The following COL8A2 variants were observed in gnomAD, a reference collection of about 807,000 sequenced individuals.
COL8A2 encodes the protein collagen alpha-2(VIII) chain.
Under a neutral mutation model 24.0 loss-of-function variants are expected in COL8A2, and 16 were observed. That is an observed-to-expected ratio of 0.67 (90% confidence interval 0.45 to 1.01). The LOEUF (loss-of-function observed/expected upper bound fraction) is 1.01, where lower values mean the gene tolerates loss of function less well. COL8A2 is among the 50% of genes least tolerant of loss of function. COL8A2 has a pLI of 0.00. For synonymous variants in COL8A2, 466 were observed against 424.5 expected, an observed-to-expected ratio of 1.10 and a Z score of -1.20; for missense variants, 818 against 942.4, an observed-to-expected ratio of 0.87 and a Z score of 1.73.
chr1:36,102,781 C>T (rs1485159001), intron 2 of COL8A2, among the ~76,000 whole-genome samples: 1 of 144,844 alleles, frequency 6.9e-6, no homozygotes, highest in African/African-American at 2.6e-5. Flanking sequence ...AAGAGATTCT[C>T]CTGCCTCAGC....
intron 1 of COL8A2, among the ~76,000 whole-genome samples, chr1:36,119,851 T>C (rs1277633995): frequency 1.3e-5 from 2 of 152,016 alleles, no homozygotes; most frequent in Non-Finnish European, 2.9e-5. Flanking sequence ...TCACCACAGG[T>C]TGTAAGGAGA....
At chr1:36,122,793 T>C (rs943580900) in intron 1 of COL8A2, among the ~76,000 whole-genome samples, 24 of 152,190 alleles carry the variant, frequency 1.6e-4, no homozygotes, top group Non-Finnish European at 2.9e-4. Flanking sequence ...TCCCAGATTA[T>C]ATCATTCGCA....
chr1:36,100,113 T>C lies in COL8A2; in HGVS notation c.130A>G (p.Ile44Val), dbSNP rs77354921. Residue 44 changes from isoleucine to valine, a missense_variant, in exon 3 of 4, where the codon ATC becomes GTC. Around this residue, in one of 3 missense-constraint regions of COL8A2, gnomAD observed 573 missense variants for 616.8 expected, o/e 0.93. Coordinates refer to ENST00000397799, the MANE Select transcript of COL8A2 (RefSeq NM_005202.4). Reference protein sequence around the residue: ...GAAGYAPVKYIQPMQKGPVGP... With the variant: ...GAAGYAPVKYVQPMQKGPVGP... ...ACAGGTCCTTTCTGCATGGGCTGGA[T>C]GTACTTCACTGGGGCATAGCCCGCC... 2.0e-4 allele frequency: 327 copies of C among 1,613,114 alleles called. No individual in the cohort carries two copies. Among genetic ancestry groups the C allele is most frequent in the Non-Finnish European group, 2.7e-4 (319 of 1,179,492 alleles).
Position 36,097,510 on chromosome 1 carries a change from A to G in COL8A2, c.*59T>C. On this transcript the variant is annotated 3_prime_UTR_variant, in exon 4 of 4. Transcript: ENST00000397799. ...TTTTCCAGGAGGTTCTTTGTAATTG[A>G]AAAGGTCGCTCTACCACTAAAGGGG... 2 of 1,349,184 alleles carry G rather than the reference A, an allele frequency of 1.5e-6. No individual in the cohort carries two copies. Among genetic ancestry groups the G allele is most frequent in the Non-Finnish European group, 2.0e-6 (2 of 976,512 alleles). 83.6% of individuals were successfully genotyped at this position (1,349,184 alleles called of 1,614,324 possible).
chr1:36,104,488 C>T, intron 2 of COL8A2, among the ~76,000 whole-genome samples: 1 of 148,668 alleles, frequency 6.7e-6, no homozygotes, highest in South Asian at 2.1e-4. Context: ...GAGACTCTGC[C>T]TCAAATAAAT....
rs779228340 is a variant in COL8A2, at chr1:36,115,521, T to C, written c.-17+187A>G. Among the ~76,000 whole-genome samples the C allele has an allele frequency of 2.6e-5, 4 of 151,944 alleles. No individual in the cohort carries two copies. The highest frequency in any genetic ancestry group is 4.4e-5 in the Non-Finnish European group (3 of 67,976). On this transcript the variant is annotated intron_variant, in intron 2 of 3. Coordinates refer to ENST00000397799, the MANE Select transcript of COL8A2 (RefSeq NM_005202.4). The surrounding 1 kb of genome is among the most constrained non-coding windows in gnomAD (Gnocchi z 5.7). The stretch of plus-strand genomic sequence containing the variant: ...CAAATGAGAAAAAGCTGCTTCCGAG[T>C]TGGGCCAGGGTTTTAAAGCCCGGGC...
At chr1:36,119,548 G>C (rs1334185435) in intron 1 of COL8A2, among the ~76,000 whole-genome samples, 1 of 152,224 alleles carries the variant, frequency 6.6e-6, no homozygotes, top group Non-Finnish European at 1.5e-5. Flanking sequence ...GCCGCTGCAG[G>C]AGGGGGCTCT....
chr1:36,117,850 C>G (rs199697137), intron 1 of COL8A2, among the ~76,000 whole-genome samples: 1 of 144,522 alleles, frequency 6.9e-6, no homozygotes, highest in Admixed American at 7.0e-5. Context: ...CATAGTGATA[C>G]CCCCATCTCT....
At chr1:36,107,641 G>A (rs1373594161) in intron 2 of COL8A2, among the ~76,000 whole-genome samples, 2 of 152,196 alleles carry the variant, frequency 1.3e-5, no homozygotes, top group Middle Eastern at 3.4e-3. Context: ...GGGTGTGTGC[G>A]GCCTATTCAA....
rs573857579 is a variant in COL8A2 at position 36,109,240 on chromosome 1, T to G, written c.-17+6468A>C. On this transcript the variant is annotated intron_variant, in intron 2 of 3. Coordinates refer to ENST00000397799, the MANE Select transcript of COL8A2 (RefSeq NM_005202.4). ...TGCTGTGGGATCCGGCTGCCCTGCT[T>G]GCTCACCCGCCCCGCGCTGCTCTCT... 7.2e-5 allele frequency among the ~76,000 whole-genome samples: 11 copies of G among 152,300 alleles called. No homozygotes were observed. The East Asian group carries it at 2.1e-3, about 29-fold the overall frequency.
chr1:36,119,145 G>A (rs189187586), intron 1 of COL8A2, among the ~76,000 whole-genome samples: 1 of 152,288 alleles, frequency 6.6e-6, no homozygotes, highest in Non-Finnish European at 1.5e-5. Flanking sequence ...AGTGAAAGGG[G>A]TGGAATCTGA....
intron 2 of COL8A2, among the ~76,000 whole-genome samples, chr1:36,104,150 T>C (rs1355315329): frequency 6.6e-6 from 1 of 151,288 alleles, no homozygotes; most frequent in Non-Finnish European, 1.5e-5. Context: ...GCCGAGATCA[T>C]GCCATTGTAC....
Position 36,119,520 on chromosome 1 carries a change from C to A in COL8A2, c.-61-3768G>T, listed in dbSNP as rs1161609431. ...CTGCCTGACCCCCAGGGGTTCCAAC[C>A]CCAATCCAGCCCCTGCTGCCGCTGC... On this transcript the variant is annotated intron_variant, in intron 1 of 3. Coordinates refer to ENST00000397799, the MANE Select transcript of COL8A2 (RefSeq NM_005202.4). 2.0e-5 allele frequency among the ~76,000 whole-genome samples: 3 copies of A among 152,206 alleles called. No homozygotes were observed. In the East Asian group the frequency reaches 5.8e-4, roughly 29 times the overall value.
At position 36,097,672 on chromosome 1, in the gene COL8A2, T is replaced by C. The variant is rs765117541; in HGVS notation, c.2009A>G (p.Asn670Ser). 1.9e-6 allele frequency: 3 copies of C among 1,613,628 alleles called. No individual in the cohort carries two copies. Among genetic ancestry groups the C allele is most frequent in the Admixed American group, 3.3e-5 (2 of 60,026 alleles). ...CGGCATCTGCACCCAGACCTGGTCG[T>C]TGGGCCGCAGCTGGAGCACGGCCCC... Reference protein sequence around the residue: ...SGGAVLQLRPNDQVWVQMPSD... With the variant: ...SGGAVLQLRPSDQVWVQMPSD... The change falls in exon 4 of 4, where the codon AAC becomes AGC. Residue 670 changes from asparagine to serine, a missense_variant. Physicochemically the swap from Asn to Ser is conservative, Grantham distance 46 (BLOSUM62 1). This residue lies in a region of COL8A2 where 235 missense variants were observed against 297.3 expected (regional missense o/e 0.79). Coordinates refer to ENST00000397799, the MANE Select transcript of COL8A2 (RefSeq NM_005202.4).
chr1:36,106,228 C>T (rs896315802), intron 2 of COL8A2, among the ~76,000 whole-genome samples: 1 of 151,128 alleles, frequency 6.6e-6, no homozygotes, highest in African/African-American at 2.4e-5. Flanking sequence ...GGCACCGCTG[C>T]ACTCCAGCTT....
At chr1:36,120,217 G>A (rs1570058930) in intron 1 of COL8A2, among the ~76,000 whole-genome samples, 1 of 152,168 alleles carries the variant, frequency 6.6e-6, no homozygotes, top group Non-Finnish European at 1.5e-5. Flanking sequence ...CTTTTGGGAG[G>A]CTCAGGCGGG....
In COL8A2 at chr1:36,123,225, A is replaced by G. The variant is rs1188702271; in HGVS notation, c.-62+1832T>C. ...CTCCTGCCACGGATGGGACCAGCGC[A>G]TCTGAGACCCCACTTCCCTGTAAGA... On this transcript the variant is annotated intron_variant, in intron 1 of 3. Coordinates refer to ENST00000397799, the MANE Select transcript of COL8A2 (RefSeq NM_005202.4). The surrounding 1 kb of genome is among the most constrained non-coding windows in gnomAD (Gnocchi z 4.1). 1.3e-5 allele frequency among the ~76,000 whole-genome samples: 2 copies of G among 152,180 alleles called. No homozygotes were observed. Among genetic ancestry groups the G allele is most frequent in the African/African-American group, 2.4e-5 (1 of 41,456 alleles).
Position 36,097,428 on chromosome 1 carries a change from A to C in COL8A2, c.*141T>G. ...AATCTCAGCCTGCATGCAGGGAGAA[A>C]GCAAGTTAGTCTCCTCGGGCCAAGG... On this transcript the variant is annotated 3_prime_UTR_variant, in exon 4 of 4. Transcript: ENST00000397799. 2 of 707,102 alleles carry C rather than the reference A, an allele frequency of 2.8e-6. No individual in the cohort carries two copies. The highest frequency in any genetic ancestry group is 4.9e-6 in the Non-Finnish European group (2 of 409,800). The allele number at this position is 707,102 out of a possible 1,614,324, so 43.8% of individuals were successfully genotyped here. A position where few individuals can be genotyped will look rare whatever the true frequency, so the allele number is the denominator to read the frequency against.
At chr1:36,107,619 C>T (rs1643779774) in intron 2 of COL8A2, among the ~76,000 whole-genome samples, 1 of 152,158 alleles carries the variant, frequency 6.6e-6, no homozygotes, top group South Asian at 2.1e-4. Flanking sequence ...GCACTGGCCA[C>T]AGCGGTGAGA....
Sources: gnomAD v4.1 joint callset for allele counts (sites outside exome capture counted in the v4.1 genomes callset) on GRCh38, gnomAD v4.1.1 for gene constraint, gnomAD v4.1.1 regional missense constraint, Gnocchi (gnomAD v3.1) non-coding constraint, MANE v1.5 for transcripts, NCBI Gene and HGNC (gene_info 2026-07-23, HGNC 2026-07-21) for gene names.